Variants in SLCO1B3 observed in about 807,000 individuals in gnomAD.
SLCO1B3 encodes the protein solute carrier organic anion transporter family member 1B3, also known as liver-specific organic anion transporter 2.
A neutral mutation model predicts 71.8 loss-of-function variants in SLCO1B3; 72 were observed. That is an observed-to-expected ratio of 1.00 (90% CI 0.83 to 1.22). The LOEUF (loss-of-function observed/expected upper bound fraction) is 1.22, where lower values mean the gene tolerates loss of function less well. Among genes scored for constraint, SLCO1B3 ranks in the 50% most tolerant of loss-of-function variants. The probability of loss-of-function intolerance (pLI) is 0.00; values close to 1 mark genes in which losing one functional copy is unlikely to be tolerated. For missense variants in SLCO1B3, 911 were observed against 819.7 expected (o/e 1.11, Z -1.36); for synonymous variants, 298 against 278.4 (o/e 1.07, Z -0.70).
At chr12:20,821,863 G>A (rs558549507) in intron 3 of SLCO1B3, among the ~76,000 whole-genome samples, 25 of 152,330 alleles carry the variant, frequency 1.6e-4, no homozygotes, top group African/African-American at 5.3e-4. Flanking sequence ...GTCCGTGACC[G>A]GCACCGGAGT....
chr12:20,823,919 C>G (rs1477413903), intron 3 of SLCO1B3, among the ~76,000 whole-genome samples: 1 of 152,150 alleles, frequency 6.6e-6, no homozygotes, highest in East Asian at 1.9e-4. Flanking sequence ...CTCCTTTTCT[C>G]AAGGCAATCG....
intron 3 of SLCO1B3, among the ~76,000 whole-genome samples, chr12:20,843,786 A>G (rs1666760869): frequency 6.6e-6 from 1 of 152,036 alleles, no homozygotes; most frequent in Admixed American, 6.6e-5. Flanking sequence ...GTCTCAAAAA[A>G]AAAAAAAAGT....
chr12:20,873,820 C>G (rs1406103066), intron 8 of SLCO1B3, among the ~76,000 whole-genome samples: 1 of 152,104 alleles, frequency 6.6e-6, no homozygotes, highest in African/African-American at 2.4e-5. Context: ...TTTATGTCTT[C>G]TCAGTGTTCA....
At chr12:20,873,207 C>T (rs1865510026) in intron 8 of SLCO1B3, among the ~76,000 whole-genome samples, 1 of 152,062 alleles carries the variant, frequency 6.6e-6, no homozygotes, top group Middle Eastern at 3.2e-3. Flanking sequence ...TTTGTAGCAC[C>T]CAGGGGCCAA....
At chr12:20,860,980 G>C (rs755408421) in intron 5 of SLCO1B3, 37 bp from the exon 6 acceptor site, 2 of 1,531,870 alleles carry the variant, frequency 1.3e-6, no homozygotes, top group Middle Eastern at 1.9e-4. Flanking sequence ...ATATTCAGTA[G>C]ATAAGCAAAA....
intron 13 of SLCO1B3, 85 bp from the exon 14 acceptor site, chr12:20,898,351 G>A: frequency 1.2e-6 from 1 of 828,044 alleles, no homozygotes; most frequent in Middle Eastern, 3.5e-4. Context: ...CCAGGGAGAG[G>A]AATGATGCTG....
intron 12 of SLCO1B3, among the ~76,000 whole-genome samples, chr12:20,882,696 G>A (rs1002389225): frequency 2.6e-5 from 4 of 152,050 alleles, no homozygotes; most frequent in East Asian, 1.9e-4. Flanking sequence ...GAGTGACCAC[G>A]CCTGGCCAAT....
intron 1 of SLCO1B3, among the ~76,000 whole-genome samples, chr12:20,813,213 G>A (rs935865717): frequency 1.3e-5 from 2 of 151,932 alleles, no homozygotes; most frequent in Admixed American, 6.6e-5. Flanking sequence ...ATATATTTAT[G>A]GTTTTTATGC....
In SLCO1B3 at chr12:20,880,829, GATATATTTCTATC is replaced by G; in HGVS notation, c.1332-17_1332-5del. The G allele has an allele frequency of 6.8e-7, 1 of 1,463,816 alleles. No individual in the cohort carries two copies. The allele number at this position is 1,463,816 out of a possible 1,614,324, so 90.7% of individuals were successfully genotyped here. A position where few individuals can be genotyped will look rare whatever the true frequency, so the allele number is the denominator to read the frequency against. ...CTCTACTTCCTCTTTCTCTTTTTTTGATATATTTCTATCATATATTTTCAGAAATAATTCAGTG... is the reference window on the plus strand; with the variant it reads ...CTCTACTTCCTCTTTCTCTTTTTTTGATATATTTTCAGAAATAATTCAGTG... On this transcript the variant is annotated splice_polypyrimidine_tract_variant and intron_variant, in intron 11 of 15. Coordinates refer to ENST00000381545, the MANE Select transcript of SLCO1B3 (RefSeq NM_019844.4).
chr12:20,884,939 A>G (rs151061042), intron 13 of SLCO1B3, among the ~76,000 whole-genome samples: 15 of 152,268 alleles, frequency 9.9e-5, no homozygotes, highest in African/African-American at 2.9e-4. Context: ...ATAAAATGTC[A>G]ATTCAGAAGG....
At chr12:20,907,154 G>T (rs948584401) in intron 15 of SLCO1B3, among the ~76,000 whole-genome samples, 9 of 152,102 alleles carry the variant, frequency 5.9e-5, no homozygotes, top group Non-Finnish European at 1.5e-5. Context: ...ATTTATGTAA[G>T]GTGGGGAATA....
intron 8 of SLCO1B3, among the ~76,000 whole-genome samples, chr12:20,866,731 G>GAA (rs36029205): frequency 1.4e-3 from 210 of 151,380 alleles, no homozygotes; most frequent in African/African-American, 4.6e-3. Context: ...CCCTATTCTG[G>GAA]AAAAAAAATA....
At chr12:20,912,491 G>C (rs923256117) in intron 15 of SLCO1B3, among the ~76,000 whole-genome samples, 18 of 81,870 alleles carry the variant, frequency 2.2e-4, no homozygotes, top group Non-Finnish European at 4.1e-4. Flanking sequence ...ATCACACCTG[G>C]CTAATTTTTT....
chr12:20,817,192 AC>A (rs1864208419), intron 3 of SLCO1B3, among the ~76,000 whole-genome samples: 1 of 152,120 alleles, frequency 6.6e-6, no homozygotes, highest in Admixed American at 6.5e-5. Flanking sequence ...CTATGCAGAA[AC>A]ATTTTAACTA....
At chr12:20,889,952 C>G (rs1489879016) in intron 13 of SLCO1B3, among the ~76,000 whole-genome samples, 3 of 150,620 alleles carry the variant, frequency 2.0e-5, no homozygotes, top group Middle Eastern at 3.4e-3. Context: ...GAATCTCACT[C>G]TGTCACCCAG....
chr12:20,846,022 A>G (rs111673851), intron 3 of SLCO1B3, among the ~76,000 whole-genome samples: 10 of 152,228 alleles, frequency 6.6e-5, no homozygotes, highest in African/African-American at 2.4e-4. Context: ...ATCGAAATCA[A>G]AAAGTGAGCA....
intron 13 of SLCO1B3, among the ~76,000 whole-genome samples, chr12:20,884,303 A>G (rs1370340237): frequency 6.6e-6 from 1 of 152,226 alleles, no homozygotes; most frequent in Non-Finnish European, 1.5e-5. Context: ...TAATAAGGAA[A>G]AAGACTGCCA....
At position 20,815,573 on chromosome 12, in the gene SLCO1B3, TAG is replaced by T. The variant is rs1005524673; in HGVS notation, c.-65-97_-65-96del. 7.4e-5 allele frequency: 40 copies of T among 537,862 alleles called. 1 individual carries two copies. Among genetic ancestry groups the T allele is most frequent in the Middle Eastern group, 5.0e-4 (1 of 1,992 alleles). 33.3% of individuals were successfully genotyped at this position (537,862 alleles called of 1,614,324 possible). On this transcript the variant is annotated intron_variant, in intron 2 of 15. Transcript: ENST00000381545. The stretch of plus-strand genomic sequence containing the variant: ...GAAATAGCAGGCCCTGAATGAATAT[TAG>T]AGAATGATTGATTGATTGATATTGA...
intron 15 of SLCO1B3, among the ~76,000 whole-genome samples, chr12:20,906,622 C>T (rs1462024936): frequency 6.6e-6 from 1 of 151,986 alleles, no homozygotes; most frequent in Non-Finnish European, 1.5e-5. Flanking sequence ...TCTGGTAAAA[C>T]TAAAATTGCT....
Sources: allele counts gnomAD v4.1 joint callset (sites outside exome capture counted in the v4.1 genomes callset), GRCh38; gene constraint gnomAD v4.1.1; transcripts MANE v1.5; gene names NCBI Gene and HGNC (gene_info 2026-07-23, HGNC 2026-07-21).